The following ENTREP2 variants were observed in gnomAD, a reference collection of about 807,000 sequenced individuals.
The protein encoded by ENTREP2 is protein ENTREP2.
chr15:29,224,293 T>G, the ENTREP2 span, among the ~76,000 whole-genome samples: 5 of 152,088 alleles, frequency 3.3e-5, no homozygotes, highest in Non-Finnish European at 7.4e-5. Flanking sequence ...GCAGTGAGTG[T>G]TACAGGTGAT....
At chr15:29,203,321 G>C in the ENTREP2 span, among the ~76,000 whole-genome samples, 1 of 152,168 alleles carries the variant, frequency 6.6e-6, no homozygotes, top group African/African-American at 2.4e-5. Context: ...AGAATGGCGT[G>C]AACCCGGGAG....
At chr15:29,491,011 G>T in the ENTREP2 span, among the ~76,000 whole-genome samples, 1 of 152,178 alleles carries the variant, frequency 6.6e-6, no homozygotes, top group Non-Finnish European at 1.5e-5. Context: ...CAGATCCCCA[G>T]CCCTGACCCG....
the ENTREP2 span, among the ~76,000 whole-genome samples, chr15:29,303,587 C>G: frequency 0.12 from 18,321 of 151,764 alleles, 1,498 homozygotes; most frequent in African/African-American, 0.24. Flanking sequence ...TATTTTGTCA[C>G]CCAGGTGATT....
At chr15:29,172,734 C>T in the ENTREP2 span, among the ~76,000 whole-genome samples, 11 of 152,238 alleles carry the variant, frequency 7.2e-5, no homozygotes, top group East Asian at 2.1e-3. Flanking sequence ...CCCACACACC[C>T]CACATCCAAA....
chr15:29,404,041 A>G, the ENTREP2 span, among the ~76,000 whole-genome samples: 1 of 152,050 alleles, frequency 6.6e-6, no homozygotes, highest in African/African-American at 2.4e-5. Context: ...CCACCCACAG[A>G]GACTGGAGTG....
chr15:29,407,024 A>G, the ENTREP2 span, among the ~76,000 whole-genome samples: 1 of 152,202 alleles, frequency 6.6e-6, no homozygotes, highest in African/African-American at 2.4e-5. Flanking sequence ...TTTCACTTAC[A>G]TCTTCTACAC....
At chr15:29,538,348 G>T in the ENTREP2 span, among the ~76,000 whole-genome samples, 2 of 152,274 alleles carry the variant, frequency 1.3e-5, no homozygotes, top group Admixed American at 1.3e-4. Flanking sequence ...TATAAGGAAG[G>T]AGAGAAGAGC....
At chr15:29,531,749 T>G in the ENTREP2 span, among the ~76,000 whole-genome samples, 1 of 152,212 alleles carries the variant, frequency 6.6e-6, no homozygotes, top group Non-Finnish European at 1.5e-5. Flanking sequence ...CACTGCAACC[T>G]CTGCCTCCCA....
At chr15:29,218,941 G>T in the ENTREP2 span, among the ~76,000 whole-genome samples, 10,303 of 152,150 alleles carry the variant, frequency 0.068, 1,212 homozygotes, top group African/African-American at 0.24. Context: ...AAAAACAAAT[G>T]CAATAAAAAC....
chr15:29,269,788 G>A, the ENTREP2 span: 19 of 1,274,442 alleles, frequency 1.5e-5, no homozygotes, highest in Admixed American at 4.0e-5. Context: ...CGCTAACGCC[G>A]GTGCCTGGAG....
At chr15:29,565,005 GACAT>G in the ENTREP2 span, among the ~76,000 whole-genome samples, 1 of 152,130 alleles carries the variant, frequency 6.6e-6, no homozygotes, top group Non-Finnish European at 1.5e-5. Context: ...GAAATGAAGA[GACAT>G]ACTCTGTTTC....
the ENTREP2 span, among the ~76,000 whole-genome samples, chr15:29,260,731 A>G: frequency 7.1e-6 from 1 of 141,680 alleles, no homozygotes; most frequent in Non-Finnish European, 1.5e-5. Flanking sequence ...TGAATCTTGT[A>G]CCTCATCTTT....
At chr15:29,200,357 G>A in the ENTREP2 span, among the ~76,000 whole-genome samples, 1 of 152,010 alleles carries the variant, frequency 6.6e-6, no homozygotes, top group African/African-American at 2.4e-5. Context: ...TGTATTTTTA[G>A]TAGAGACAAG....
At chr15:29,618,338 G>A in the ENTREP2 span, among the ~76,000 whole-genome samples, 2 of 151,174 alleles carry the variant, frequency 1.3e-5, no homozygotes, top group South Asian at 2.1e-4. Flanking sequence ...CAGGAGAATC[G>A]ATTGAACCCG....
At chr15:29,373,175 G>A in the ENTREP2 span, among the ~76,000 whole-genome samples, 556 of 151,532 alleles carry the variant, frequency 3.7e-3, 6 homozygotes, top group African/African-American at 0.013. Flanking sequence ...AAAATAAAAA[G>A]AAAAAATAAA....
At chr15:29,460,500 C>T in the ENTREP2 span, among the ~76,000 whole-genome samples, 4 of 151,800 alleles carry the variant, frequency 2.6e-5, no homozygotes, top group East Asian at 3.9e-4. Flanking sequence ...GGCACGGTGG[C>T]GCGTGCCTGT....
the ENTREP2 span, among the ~76,000 whole-genome samples, chr15:29,421,040 G>A: frequency 0.012 from 1,779 of 152,302 alleles, 37 homozygotes; most frequent in African/African-American, 0.041. Flanking sequence ...GGCAGAAAGA[G>A]GGAACCCGGG....
the ENTREP2 span, among the ~76,000 whole-genome samples, chr15:29,444,111 A>G: frequency 6.6e-6 from 1 of 150,522 alleles, no homozygotes; most frequent in African/African-American, 2.4e-5. Context: ...TCAAAAAGAA[A>G]GAAAGACAGA....
the ENTREP2 span, among the ~76,000 whole-genome samples, chr15:29,412,816 T>C: frequency 6.6e-6 from 1 of 152,120 alleles, no homozygotes; most frequent in African/African-American, 2.4e-5. Flanking sequence ...ATTTCGTTAA[T>C]TTCTATTCTT....
Sources: allele counts gnomAD v4.1 joint callset (sites outside exome capture counted in the v4.1 genomes callset), GRCh38; gene constraint gnomAD v4.1.1; transcripts MANE v1.5; gene names NCBI Gene and HGNC (gene_info 2026-07-23, HGNC 2026-07-21).